The following SPDYE10 variants were observed in gnomAD, a reference collection of about 807,000 sequenced individuals.
SPDYE10 encodes speedy protein E10.
At chr7:73,130,503 G>A in the SPDYE10 span, among the ~76,000 whole-genome samples, 1 of 152,414 alleles carries the variant, frequency 6.6e-6, no homozygotes, top group African/African-American at 2.4e-5. Flanking sequence ...TGCTGCTCAG[G>A]GTGGAATGCA....
the SPDYE10 span, chr7:73,155,200 T>TGAGCCGCCGCGGAC: frequency 3.3e-5 from 6 of 179,782 alleles, no homozygotes; most frequent in East Asian, 1.2e-4. Context: ...CCCCCGCGGA[T>TGAGCCGCCGCGGAC]GAGCCGCCGC....
At chr7:73,151,994 T>A in the SPDYE10 span, among the ~76,000 whole-genome samples, 3 of 151,726 alleles carry the variant, frequency 2.0e-5, no homozygotes, top group African/African-American at 4.9e-5. Context: ...TGCTTTTTTT[T>A]ATTGTTGTTG....
chr7:73,148,883 A>AC, the SPDYE10 span, among the ~76,000 whole-genome samples: 1 of 105,494 alleles, frequency 9.5e-6, no homozygotes, highest in Admixed American at 1.0e-4. Flanking sequence ...GACTGGGTAC[A>AC]CCCACATAGT....
chr7:73,142,993 AG>A, the SPDYE10 span, among the ~76,000 whole-genome samples: 1 of 136,432 alleles, frequency 7.3e-6, no homozygotes, highest in African/African-American at 2.8e-5. Context: ...GAAGGAAGGA[AG>A]GAAGGAAGGA....
the SPDYE10 span, among the ~76,000 whole-genome samples, chr7:73,132,663 C>T: frequency 2.6e-5 from 4 of 151,146 alleles, no homozygotes; most frequent in African/African-American, 9.8e-5. Context: ...GCGGATGATG[C>T]CTTACCCACT....
chr7:73,142,637 T>TA, the SPDYE10 span, among the ~76,000 whole-genome samples: 1 of 152,138 alleles, frequency 6.6e-6, no homozygotes, highest in Non-Finnish European at 1.5e-5. Context: ...ACTGTCCTGA[T>TA]AAGAAAATGA....
chr7:73,111,301 A>C, the SPDYE10 span, among the ~76,000 whole-genome samples: 124 of 99,654 alleles, frequency 1.2e-3, no homozygotes, highest in South Asian at 1.6e-3. Context: ...CCCATGTGCC[A>C]CTCCTTCCCC....
the SPDYE10 span, among the ~76,000 whole-genome samples, chr7:73,144,906 C>T: frequency 1.2e-5 from 1 of 84,970 alleles, no homozygotes; most frequent in East Asian, 3.5e-4. Context: ...ATCCCAGCTA[C>T]TCGGGAGGCT....
chr7:73,123,825 C>CTCTCTCTT, the SPDYE10 span, among the ~76,000 whole-genome samples: 7 of 151,298 alleles, frequency 4.6e-5, no homozygotes, highest in South Asian at 1.5e-3. Context: ...CTCTCTCTCT[C>CTCTCTCTT]TCTGGCTGGA....
At chr7:73,123,934 GGTTTTTTTGTTTTTTT>G in the SPDYE10 span, among the ~76,000 whole-genome samples, 2 of 151,616 alleles carry the variant, frequency 1.3e-5, no homozygotes, top group African/African-American at 4.9e-5. Context: ...ATTTTTGTGG[GGTTTTTTTGTTTTTTT>G]GTTTTTTTGT....
At chr7:73,125,334 A>C in the SPDYE10 span, among the ~76,000 whole-genome samples, 25 of 148,560 alleles carry the variant, frequency 1.7e-4, no homozygotes, top group Non-Finnish European at 2.2e-4. Flanking sequence ...AGAATCTGCC[A>C]ATGTATCCAG....
chr7:73,142,932 CAAA>C, the SPDYE10 span, among the ~76,000 whole-genome samples: 1 of 107,256 alleles, frequency 9.3e-6, no homozygotes, highest in Admixed American at 1.2e-4. Flanking sequence ...GACTCTGTCT[CAAA>C]AAAAAAGAGA....
chr7:73,150,944 ATATATTT>A, the SPDYE10 span, among the ~76,000 whole-genome samples: 1 of 15,814 alleles, frequency 6.3e-5, no homozygotes, highest in Non-Finnish European at 1.0e-4. Flanking sequence ...ATATATATAT[ATATATTT>A]TTTTTTTTTT....
At chr7:73,126,969 A>AGT in the SPDYE10 span, among the ~76,000 whole-genome samples, 24 of 93,104 alleles carry the variant, frequency 2.6e-4, no homozygotes, top group Middle Eastern at 9.8e-3. Context: ...CCCAGGCTGG[A>AGT]GTGCAATGGC....
chr7:73,135,871 C>CTTTT, the SPDYE10 span, among the ~76,000 whole-genome samples: 415 of 36,864 alleles, frequency 0.011, no homozygotes, highest in Middle Eastern at 0.023. Context: ...CGCACCCGGT[C>CTTTT]TTTTTTTTTT....
the SPDYE10 span, among the ~76,000 whole-genome samples, chr7:73,127,359 T>A: frequency 3.2e-4 from 34 of 105,302 alleles, no homozygotes; most frequent in African/African-American, 1.2e-3. Flanking sequence ...GAGATTATCC[T>A]GACCAACATC....
At chr7:73,154,900 A>C in the SPDYE10 span, 3 of 156,022 alleles carry the variant, frequency 1.9e-5, 1 homozygote, top group Non-Finnish European at 4.3e-5. Context: ...GCGCATGCGC[A>C]GCGGGGACCG....
the SPDYE10 span, among the ~76,000 whole-genome samples, chr7:73,113,993 C>T: frequency 7.1e-6 from 1 of 140,642 alleles, no homozygotes; most frequent in East Asian, 2.0e-4. Context: ...ACCATTTGCA[C>T]TGTAGCCTGG....
chr7:73,117,796 G>A, the SPDYE10 span, among the ~76,000 whole-genome samples: 1 of 140,986 alleles, frequency 7.1e-6, no homozygotes, highest in Non-Finnish European at 1.5e-5. Context: ...CTCCAGAGAG[G>A]AAAAAAGATG....
Sources: gnomAD v4.1 joint callset for allele counts (sites outside exome capture counted in the v4.1 genomes callset) on GRCh38, gnomAD v4.1.1 for gene constraint, MANE v1.5 for transcripts, NCBI Gene and HGNC (gene_info 2026-07-23, HGNC 2026-07-21) for gene names.